The following ST7 variants were observed in gnomAD, a reference collection of about 807,000 sequenced individuals.
The protein encoded by ST7 is suppression of tumorigenicity 7.
In ST7, 28 loss-of-function variants were observed where a neutral mutation model predicts 78.7. The ratio of observed to expected loss-of-function variants is 0.36; its 90% CI spans 0.26 to 0.49. ST7 has a LOEUF of 0.49. Ranked by LOEUF, ST7 falls within the 20% of genes least tolerant of loss-of-function variation. The pLI is 0.99. For synonymous variants in ST7, 247 were observed against 249.6 expected (o/e 0.99, Z 0.10); for missense variants, 418 against 696.0 (o/e 0.60, Z 4.49).
intron 1 of ST7, chr7:116,967,556 C>T (rs1051716942): frequency 7.0e-5 from 25 of 358,500 alleles, no homozygotes; most frequent in South Asian, 2.3e-4. Flanking sequence ...TACTGACCTG[C>T]GATAAAAAAT....
At chr7:117,080,821 A>G (rs984029613) in intron 1 of ST7, 12 of 152,234 alleles carry the variant, frequency 7.9e-5, no homozygotes, top group African/African-American at 2.7e-4. Flanking sequence ...AATAATCACC[A>G]TATTTGTGCA....
chr7:117,159,706 A>G (rs747379672), intron 9 of ST7, among the ~76,000 whole-genome samples: 5 of 152,150 alleles, frequency 3.3e-5, no homozygotes, highest in Non-Finnish European at 7.4e-5. Context: ...GTTATGTTCT[A>G]TTGTGCAACT....
chr7:117,150,580 C>T (rs1806167161), intron 9 of ST7, among the ~76,000 whole-genome samples: 1 of 152,152 alleles, frequency 6.6e-6, no homozygotes, highest in Admixed American at 6.5e-5. Flanking sequence ...TTCCCTGGCT[C>T]TTCCTGCCTG....
intron 13 of ST7, among the ~76,000 whole-genome samples, chr7:117,211,935 G>A: frequency 6.6e-6 from 1 of 152,142 alleles, no homozygotes; most frequent in Non-Finnish European, 1.5e-5. Context: ...GGGTTTTCAG[G>A]CATAACACAG....
intron 1 of ST7, among the ~76,000 whole-genome samples, chr7:116,984,607 G>A (rs1295437166): frequency 6.6e-6 from 1 of 152,130 alleles, no homozygotes; most frequent in Non-Finnish European, 1.5e-5. Flanking sequence ...GTATGACTTA[G>A]GATACATTAT....
chr7:117,221,905 T>C lies in ST7; in HGVS notation c.1499-18T>C. On this transcript the variant is annotated intron_variant, in intron 14 of 15. Coordinates refer to ENST00000323984, the MANE Select transcript of ST7 (RefSeq NM_001369598.1). ...GTTTACTCCAGCCCTGATATTTCCC[T>C]TTTGGTCTTCTCCACAGCTTTCCAT... is the stretch of plus-strand genomic sequence containing the variant. 6.3e-7 allele frequency: 1 copy of C among 1,599,062 alleles called. No homozygotes were observed. The highest frequency in any genetic ancestry group is 1.1e-5 in the South Asian group (1 of 88,164).
chr7:117,123,226 A>G (rs1445898407), intron 3 of ST7, among the ~76,000 whole-genome samples: 1 of 152,210 alleles, frequency 6.6e-6, no homozygotes, highest in East Asian at 1.9e-4. Context: ...AGTTATAAAC[A>G]TTGTTCTATA....
intron 1 of ST7, among the ~76,000 whole-genome samples, chr7:116,974,646 G>A (rs1208221143): frequency 6.6e-6 from 1 of 151,980 alleles, no homozygotes; most frequent in Non-Finnish European, 1.5e-5. Context: ...TACTTTGTTC[G>A]GAAATTTTAC....
intron 3 of ST7, among the ~76,000 whole-genome samples, chr7:117,129,203 A>G (rs577102916): frequency 6.6e-6 from 1 of 151,984 alleles, no homozygotes; most frequent in South Asian, 2.1e-4. Flanking sequence ...CAAGTAAATG[A>G]TATTAAAATG....
intron 9 of ST7, among the ~76,000 whole-genome samples, chr7:117,148,631 A>G (rs1006429970): frequency 6.6e-6 from 1 of 152,116 alleles, no homozygotes; most frequent in African/African-American, 2.4e-5. Context: ...TATTCTTCTG[A>G]TATTCCCAAC....
chr7:116,967,582 A>G (rs1020641624), intron 1 of ST7: 9 of 351,356 alleles, frequency 2.6e-5, no homozygotes, highest in African/African-American at 1.9e-4. Context: ...CGCCCTTACC[A>G]CATTCTAGCA....
rs117542812 is a variant in ST7 at position 117,145,839 on chromosome 7, C to A, written c.963+7307C>A. On this transcript the variant is annotated intron_variant, in intron 9 of 15. Coordinates refer to ENST00000323984, the MANE Select transcript of ST7 (RefSeq NM_001369598.1). ...CTAAAACTTCACTGCTATATCAGGT[C>A]AGCTAAAAACATGTTTTGTATGCCT... 2.4e-4 allele frequency among the ~76,000 whole-genome samples: 36 copies of A among 152,266 alleles called. No individual in the cohort carries two copies. In the East Asian group the frequency reaches 6.8e-3, roughly 29 times the overall value.
intron 13 of ST7, among the ~76,000 whole-genome samples, chr7:117,214,339 T>C (rs995882276): frequency 6.6e-6 from 1 of 152,136 alleles, no homozygotes; most frequent in Non-Finnish European, 1.5e-5. Flanking sequence ...TTGAGGATGG[T>C]GTTTTTTAGG....
chr7:117,226,987 A>G (rs924640676), intron 15 of ST7, among the ~76,000 whole-genome samples: 2 of 152,228 alleles, frequency 1.3e-5, no homozygotes, highest in African/African-American at 4.8e-5. Context: ...AGCATGGGGA[A>G]AAGGGAGCAT....
intron 9 of ST7, among the ~76,000 whole-genome samples, chr7:117,142,434 C>T (rs1312815198): frequency 6.6e-6 from 1 of 152,028 alleles, no homozygotes; most frequent in Non-Finnish European, 1.5e-5. Flanking sequence ...TAAGCTTCCA[C>T]CTACTAGATG....
intron 1 of ST7, among the ~76,000 whole-genome samples, chr7:117,001,063 C>T (rs540373841): frequency 6.6e-6 from 1 of 152,268 alleles, no homozygotes; most frequent in Admixed American, 6.5e-5. Context: ...TTGGATAACA[C>T]TGAAAAAGCC....
At chr7:117,136,363 T>A in intron 8 of ST7, 128 bp downstream of exon 8, 1 of 1,140,714 alleles carries the variant, frequency 8.8e-7, no homozygotes, top group Non-Finnish European at 1.3e-6. Flanking sequence ...TTTGCTTTGT[T>A]TTTATTAATT....
intron 1 of ST7, among the ~76,000 whole-genome samples, chr7:117,006,997 G>A (rs1213317240): frequency 6.6e-6 from 1 of 151,998 alleles, no homozygotes; most frequent in East Asian, 1.9e-4. Context: ...CCTCTCTTTC[G>A]ACCTTCCTAA....
At chr7:117,152,177 C>CTATATATATATATA (rs58892731) in intron 9 of ST7, among the ~76,000 whole-genome samples, 2 of 66,856 alleles carry the variant, frequency 3.0e-5, no homozygotes, top group South Asian at 7.3e-4. Context: ...TATATAAAAA[C>CTATATATATATATA]TATATATATA....
Sources: gnomAD v4.1 joint callset for allele counts (sites outside exome capture counted in the v4.1 genomes callset) on GRCh38, gnomAD v4.1.1 for gene constraint, MANE v1.5 for transcripts, NCBI Gene and HGNC (gene_info 2026-07-23, HGNC 2026-07-21) for gene names.